SYNRG: variants seen among roughly 807,000 people sequenced by gnomAD.
SYNRG encodes synergin gamma.
Under a neutral mutation model 130.9 loss-of-function variants are expected in SYNRG, and 37 were observed. The ratio of observed to expected loss-of-function variants is 0.28; its 90% CI spans 0.22 to 0.37. SYNRG has a LOEUF of 0.37. Among genes scored for constraint, SYNRG ranks in the 10% least tolerant of loss-of-function variants. The probability of loss-of-function intolerance (pLI) is 1.00; values close to 1 mark genes in which losing one functional copy is unlikely to be tolerated. For synonymous variants in SYNRG, 539 were observed against 568.1 expected, an observed-to-expected ratio of 0.95 and a Z score of 0.73; for missense variants, 1,338 against 1,588.9, an observed-to-expected ratio of 0.84 and a Z score of 2.68.
chr17:37,531,101 G>T (rs1304326061), intron 19 of SYNRG, among the ~76,000 whole-genome samples: 1 of 152,094 alleles, frequency 6.6e-6, no homozygotes, highest in African/African-American at 2.4e-5. Context: ...CAGGCATGGT[G>T]GTGCATGCCT....
In SYNRG at chr17:37,609,287, C is replaced by G. The variant is rs1460466972; in HGVS notation, c.69G>C (p.Gly23=). Reference sequence around the variant, plus strand: ...CGGCTCTTCACACCTACCCGCCTCCCCCGGCGGACCCCGCGCCAGCTCCCG... The same window carrying G: ...CGGCTCTTCACACCTACCCGCCTCCGCCGGCGGACCCCGCGCCAGCTCCCG... ...GAAGAGAGSA[G]GGGFMFPVAG... is the part of the protein sequence containing the mutation. The change falls in exon 1 of 22, where the codon GGG becomes GGC. Residue 23 remains glycine (G), a synonymous_variant. Transcript: ENST00000612223. 9.6e-6 allele frequency: 14 copies of G among 1,451,484 alleles called. No homozygotes were observed. Among genetic ancestry groups the G allele is most frequent in the East Asian group, 3.0e-5 (1 of 33,196 alleles). 89.9% of individuals were successfully genotyped at this position (1,451,484 alleles called of 1,614,324 possible).
In SYNRG at chr17:37,517,756, A is replaced by C. The variant is rs1042640773; in HGVS notation, c.*1184T>G. On this transcript the variant is annotated 3_prime_UTR_variant, in exon 22 of 22. Coordinates refer to ENST00000612223, the MANE Select transcript of SYNRG (RefSeq NM_007247.6). ...TGAAAAATCTCTTCATAAAGCGCAT[A>C]ATCAACAATTCAGAGAGACGTGTGC... 2.0e-5 allele frequency: 3 copies of C among 152,148 alleles called. No homozygotes were observed. Among genetic ancestry groups the C allele is most frequent in the African/African-American group, 7.2e-5 (3 of 41,416 alleles). The allele number at this position is 152,148 out of a possible 1,614,324, so 9.4% of individuals were successfully genotyped here.
intron 19 of SYNRG, 145 bp downstream of exon 19, chr17:37,535,834 C>T: frequency 8.9e-7 from 1 of 1,118,246 alleles, no homozygotes; most frequent in East Asian, 2.4e-5. Flanking sequence ...ACTGACCACA[C>T]ACCTGTGATC....
chr17:37,606,082 A>G (rs1318357730), intron 1 of SYNRG: 5 of 915,996 alleles, frequency 5.5e-6, no homozygotes, highest in Non-Finnish European at 5.2e-6. Flanking sequence ...CCTGAAACTG[A>G]ATTTCCTTAG....
intron 13 of SYNRG, among the ~76,000 whole-genome samples, chr17:37,558,864 A>G (rs1181895181): frequency 6.6e-6 from 1 of 152,142 alleles, no homozygotes; most frequent in East Asian, 1.9e-4. Context: ...TTGAACTGCT[A>G]CTTGCCATTC....
chr17:37,556,070 A>G (rs2059099529), intron 13 of SYNRG, among the ~76,000 whole-genome samples: 1 of 152,232 alleles, frequency 6.6e-6, no homozygotes, highest in Non-Finnish European at 1.5e-5. Context: ...TAAAAATGAC[A>G]TATAAGAGCA....
At chr17:37,568,480 C>T (rs928924019) in intron 11 of SYNRG, 2 of 216,078 alleles carry the variant, frequency 9.3e-6, no homozygotes, top group Non-Finnish European at 1.8e-5. Flanking sequence ...AGTTGAAGAC[C>T]TTGCTGTAAT....
rs757934571 is a variant in SYNRG, at chr17:37,561,237, C to T, written c.1621G>A (p.Ala541Thr). ...GCTGTCTGTTCAAGTTCTCTGAAAG[C>T]ACTATATTTATCACCAGGATCTATG... ...PPGDPGDKYS[A>T]FRELEQTAEN... The change falls in exon 13 of 22, where the codon GCT becomes ACT. Residue 541 changes from alanine (A) to threonine (T), a missense_variant. By Grantham distance (58) the Ala-to-Thr change is moderately conservative. This residue lies in a region of SYNRG where 1,146 missense variants were observed against 1,342.3 expected (regional missense o/e 0.85). Coordinates refer to ENST00000612223, the MANE Select transcript of SYNRG (RefSeq NM_007247.6). 3 of 1,613,878 alleles carry T rather than the reference C, an allele frequency of 1.9e-6. No individual in the cohort carries two copies. Among genetic ancestry groups the T allele is most frequent in the Non-Finnish European group, 2.5e-6 (3 of 1,179,944 alleles).
chr17:37,570,938 G>A (rs566674569), intron 9 of SYNRG, 53 bp from the exon 10 acceptor site: 101 of 1,550,492 alleles, frequency 6.5e-5, no homozygotes, highest in Non-Finnish European at 8.4e-5. Context: ...ACATACGGTC[G>A]AAATCTGGCA....
intron 6 of SYNRG, 82 bp from the exon 7 acceptor site, chr17:37,577,695 C>CCT: frequency 3.4e-6 from 2 of 584,064 alleles, no homozygotes; most frequent in Admixed American, 3.8e-5. Context: ...CCCCCATATT[C>CCT]TTTTTTTTTT....
At position 37,540,572 on chromosome 17, in the gene SYNRG, G is replaced by A. The variant is rs757690356; in HGVS notation, c.3203-29C>T. 5 of 1,603,994 alleles carry A rather than the reference G, an allele frequency of 3.1e-6. No individual in the cohort carries two copies. In the South Asian group the frequency reaches 4.4e-5, roughly 14 times the overall value. ...GGAGAAGGGGATAATACAGTCAAAGGTTTTGGCTACTCACCTTAGTTCAGG... is the reference window on the plus strand; with the variant it reads ...GGAGAAGGGGATAATACAGTCAAAGATTTTGGCTACTCACCTTAGTTCAGG... On this transcript the variant is annotated intron_variant, in intron 15 of 21. Coordinates refer to ENST00000612223, the MANE Select transcript of SYNRG (RefSeq NM_007247.6).
At chr17:37,576,549 T>G in intron 7 of SYNRG, 131 bp from the exon 8 acceptor site, 2 of 733,132 alleles carry the variant, frequency 2.7e-6, no homozygotes, top group Non-Finnish European at 4.3e-6. Context: ...ATTAAAATAC[T>G]TGGTCCCCCC....
intron 3 of SYNRG, among the ~76,000 whole-genome samples, chr17:37,589,282 T>C (rs2061947056): frequency 6.6e-6 from 1 of 152,306 alleles, no homozygotes; most frequent in East Asian, 1.9e-4. Flanking sequence ...GGATGATCCA[T>C]ACTACCAGGT....
intron 14 of SYNRG, among the ~76,000 whole-genome samples, chr17:37,547,214 T>C (rs1315043063): frequency 6.6e-6 from 1 of 152,154 alleles, no homozygotes; most frequent in Non-Finnish European, 1.5e-5. Context: ...GTGTTAGTGT[T>C]TTAAGTTCAA....
chr17:37,529,163 C>T (rs1290859631), intron 19 of SYNRG, among the ~76,000 whole-genome samples: 1 of 152,204 alleles, frequency 6.6e-6, no homozygotes, highest in Admixed American at 6.5e-5. Flanking sequence ...GGCATAAATG[C>T]CCAGCCCTTT....
intron 17 of SYNRG, among the ~76,000 whole-genome samples, 185 bp from the exon 18 acceptor site, chr17:37,538,605 C>T (rs945148094): frequency 6.6e-5 from 10 of 152,176 alleles, no homozygotes; most frequent in African/African-American, 2.4e-4. Context: ...TTTTGTTTTG[C>T]TTTGTTTTGA....
chr17:37,597,087 T>C (rs1052475701), intron 2 of SYNRG, among the ~76,000 whole-genome samples: 4 of 152,214 alleles, frequency 2.6e-5, no homozygotes, highest in African/African-American at 7.2e-5. Context: ...CCTGGTTCTT[T>C]TGGATCACTT....
intron 1 of SYNRG, among the ~76,000 whole-genome samples, chr17:37,609,077 C>T (rs1407940136): frequency 6.6e-6 from 1 of 151,898 alleles, no homozygotes; most frequent in Non-Finnish European, 1.5e-5. Flanking sequence ...CGGCCGGCGC[C>T]CCCAACTGAT....
intron 19 of SYNRG, among the ~76,000 whole-genome samples, chr17:37,530,280 A>T (rs1598109636): frequency 6.6e-6 from 1 of 152,166 alleles, no homozygotes; most frequent in Non-Finnish European, 1.5e-5. Flanking sequence ...TCATCTGTAA[A>T]CGGGGAGAAC....
Sources: gnomAD v4.1 joint callset for allele counts (sites outside exome capture counted in the v4.1 genomes callset) on GRCh38, gnomAD v4.1.1 for gene constraint, gnomAD v4.1.1 regional missense constraint, MANE v1.5 for transcripts, NCBI Gene and HGNC (gene_info 2026-07-23, HGNC 2026-07-21) for gene names.